Variants in KAZN observed in about 807,000 individuals in gnomAD.
KAZN encodes kazrin.
In KAZN, 40 loss-of-function variants were observed where a neutral mutation model predicts 87.4. The ratio of observed to expected loss-of-function variants is 0.46; its 90% confidence interval spans 0.36 to 0.60. The LOEUF (loss-of-function observed/expected upper bound fraction) is 0.60, where lower values mean the gene tolerates loss of function less well. Ranked by LOEUF, KAZN falls within the 20% of genes least tolerant of loss-of-function variation. The probability of loss-of-function intolerance (pLI) is 0.00; values close to 1 mark genes in which losing one functional copy is unlikely to be tolerated. For missense variants in KAZN, 898 were observed against 1,073.9 expected (o/e 0.84, Z 2.29); for synonymous variants, 466 against 458.3 (o/e 1.02, Z -0.22).
intron 1 of KAZN, among the ~76,000 whole-genome samples, chr1:14,092,830 G>A (rs1234106540): frequency 6.6e-6 from 1 of 152,040 alleles, no homozygotes; most frequent in Non-Finnish European, 1.5e-5. Context: ...GTTGTGTAAT[G>A]TACTTTGTGA....
intron 1 of KAZN, among the ~76,000 whole-genome samples, chr1:14,608,975 A>G (rs1677594624): frequency 6.6e-6 from 1 of 152,168 alleles, no homozygotes; most frequent in African/African-American, 2.4e-5. Flanking sequence ...AATTGGCAAG[A>G]ATACGCTCAC....
rs1031833805 is a variant in KAZN, at chr1:14,365,375, G to T, written c.249+184783G>T. On this transcript the variant is annotated intron_variant, in intron 2 of 16. Coordinates refer to the KAZN transcript ENST00000636203. ...CACCCCCTCCCCCCGGGGTGGGGGG[G>T]GGGGGGGTCTTTCAAGGTCACCAGC... is the stretch of plus-strand genomic sequence containing the variant. Among the ~76,000 whole-genome samples, 15 of 150,026 alleles carry T rather than the reference G, an allele frequency of 1.0e-4. No individual in the cohort carries two copies. In the East Asian group the frequency reaches 1.4e-3, roughly 14 times the overall value.
At chr1:14,376,712 C>A (rs1660943631) in intron 2 of KAZN, among the ~76,000 whole-genome samples, 1 of 152,264 alleles carries the variant, frequency 6.6e-6, no homozygotes, top group East Asian at 1.9e-4. Flanking sequence ...AACTACATAA[C>A]CTTGGGCAAA....
chr1:14,441,854 G>C (rs1166159648), intron 2 of KAZN, among the ~76,000 whole-genome samples: 1 of 152,166 alleles, frequency 6.6e-6, no homozygotes, highest in Non-Finnish European at 1.5e-5. Flanking sequence ...AGATGTGTAT[G>C]GTAAAGGCAA....
intron 1 of KAZN, among the ~76,000 whole-genome samples, chr1:14,958,430 G>GGA (rs1168889615): frequency 2.6e-5 from 4 of 151,944 alleles, no homozygotes; most frequent in African/African-American, 9.7e-5. Context: ...ATGTACACAA[G>GGA]GCACTTCCTG....
intron 2 of KAZN, among the ~76,000 whole-genome samples, chr1:14,306,178 C>A (rs994032861): frequency 6.6e-6 from 1 of 152,164 alleles, no homozygotes; most frequent in African/African-American, 2.4e-5. Context: ...AAGTATTTCA[C>A]TGGAGAACAT....
chr1:14,781,940 A>G (rs1014157657), intron 1 of KAZN, among the ~76,000 whole-genome samples: 3 of 152,210 alleles, frequency 2.0e-5, no homozygotes, highest in African/African-American at 7.2e-5. Flanking sequence ...GTTTATTTCA[A>G]TTATGACTCC....
At chr1:14,943,032 GTGTGTGTGTGT>G (rs1661307934) in intron 1 of KAZN, among the ~76,000 whole-genome samples, 1 of 140,212 alleles carries the variant, frequency 7.1e-6, no homozygotes, top group Non-Finnish European at 1.5e-5. Context: ...GTGTGTGTGT[GTGTGTGTGTGT>G]GTGTGTGTTG....
chr1:14,846,066 G>T (rs1648719110), intron 1 of KAZN, among the ~76,000 whole-genome samples: 1 of 152,178 alleles, frequency 6.6e-6, no homozygotes, highest in Non-Finnish European at 1.5e-5. Context: ...CATGGACTCT[G>T]TGCCAAGACA....
rs545267185 is a variant in KAZN at position 14,226,130 on chromosome 1, T to C, written c.249+45538T>C. 8.9e-4 allele frequency among the ~76,000 whole-genome samples: 135 copies of C among 151,948 alleles called. 2 individuals carry two copies. The highest frequency in any genetic ancestry group is 1.5e-3 in the East Asian group (8 of 5,168). ...CAGAGTAAACAGACAACCTACAGAA[T>C]GGGAGAAAATATTTGCAAACTATGC... On this transcript the variant is annotated intron_variant, in intron 2 of 16. Coordinates refer to the KAZN transcript ENST00000636203.
chr1:14,615,317 C>T (rs1678147178), intron 1 of KAZN, among the ~76,000 whole-genome samples: 1 of 152,154 alleles, frequency 6.6e-6, no homozygotes, highest in African/African-American at 2.4e-5. Flanking sequence ...GAGCCTGCAA[C>T]TAAGAGGCTA....
intron 1 of KAZN, among the ~76,000 whole-genome samples, chr1:14,758,324 C>T (rs1296011835): frequency 7.6e-6 from 1 of 131,062 alleles, no homozygotes; most frequent in Admixed American, 7.5e-5. Flanking sequence ...CAGCACCACA[C>T]CCAACTAATA....
At chr1:14,722,162 A>G (rs10927518) in intron 1 of KAZN, among the ~76,000 whole-genome samples, 1 of 73,904 alleles carries the variant, frequency 1.4e-5, no homozygotes, top group East Asian at 4.5e-4. Flanking sequence ...AAAAAAAAAA[A>G]GAATAAAAAA....
intron 1 of KAZN, among the ~76,000 whole-genome samples, chr1:14,801,319 C>T (rs1449634078): frequency 6.6e-6 from 1 of 152,112 alleles, no homozygotes; most frequent in Non-Finnish European, 1.5e-5. Context: ...AAGTCTGTGC[C>T]GTTATGACTG....
At chr1:14,528,748 C>CA (rs36033087) in intron 2 of KAZN, among the ~76,000 whole-genome samples, 9,660 of 66,562 alleles carry the variant, frequency 0.15, 638 homozygotes, top group African/African-American at 0.17. Flanking sequence ...GACCCTGTCT[C>CA]AAAAAAAAAA....
chr1:14,446,872 G>A (rs1338302988), intron 2 of KAZN, among the ~76,000 whole-genome samples: 1 of 151,886 alleles, frequency 6.6e-6, no homozygotes, highest in Admixed American at 6.6e-5. Context: ...GGAAAATTGT[G>A]CTCCATGGAT....
At chr1:14,121,039 G>A (rs1055490967) in intron 1 of KAZN, among the ~76,000 whole-genome samples, 2 of 152,166 alleles carry the variant, frequency 1.3e-5, no homozygotes, top group East Asian at 3.8e-4. Flanking sequence ...GCACTATGAG[G>A]CAAGAGCTGA....
chr1:15,080,439 A>G (rs2137641), intron 8 of KAZN, among the ~76,000 whole-genome samples: 58,461 of 151,810 alleles, frequency 0.39, 12,912 homozygotes, highest in East Asian at 0.91. Context: ...GCTGCCCACC[A>G]AGGGTCCTGC....
intron 8 of KAZN, among the ~76,000 whole-genome samples, chr1:15,071,172 C>T (rs1214796936): frequency 2.6e-5 from 4 of 152,208 alleles, no homozygotes; most frequent in Non-Finnish European, 5.9e-5. Context: ...TGGCATGTCA[C>T]TAAAATGTCC....
Sources: gnomAD v4.1 joint callset for allele counts (sites outside exome capture counted in the v4.1 genomes callset) on GRCh38, gnomAD v4.1.1 for gene constraint, MANE v1.5 for transcripts, NCBI Gene and HGNC (gene_info 2026-07-23, HGNC 2026-07-21) for gene names.